The following KCNG3 variants were observed in gnomAD, a reference collection of about 807,000 sequenced individuals.
KCNG3 encodes the protein voltage-gated potassium channel regulatory subunit KCNG3.
A neutral mutation model predicts 29.0 loss-of-function variants in KCNG3; 15 were observed. That is an observed-to-expected ratio of 0.52 (90% CI 0.35 to 0.80). The LOEUF (loss-of-function observed/expected upper bound fraction) is 0.80, where lower values mean the gene tolerates loss of function less well. Ranked by LOEUF, KCNG3 falls within the 30% of genes least tolerant of loss-of-function variation. The probability of loss-of-function intolerance (pLI) is 0.01; values close to 1 mark genes in which losing one functional copy is unlikely to be tolerated. For synonymous variants in KCNG3, 322 were observed against 248.9 expected, an observed-to-expected ratio of 1.29 and a Z score of -2.76; for missense variants, 512 against 605.7, an observed-to-expected ratio of 0.85 and a Z score of 1.62.
chr2:42,418,306 T>C, the KCNG3 span, among the ~76,000 whole-genome samples: 13 of 152,338 alleles, frequency 8.5e-5, no homozygotes, highest in African/African-American at 2.6e-4. Flanking sequence ...TAATATTCCA[T>C]TGCATATATA....
At chr2:42,466,730 G>C (rs1673149800) in intron 1 of KCNG3, among the ~76,000 whole-genome samples, 1 of 150,962 alleles carries the variant, frequency 6.6e-6, no homozygotes, top group Non-Finnish European at 1.5e-5. Context: ...AGGAATTAGT[G>C]GCAAAAACTG....
chr2:42,447,516 ATTC>A (rs1672630194), intron 1 of KCNG3, among the ~76,000 whole-genome samples: 1 of 139,474 alleles, frequency 7.2e-6, no homozygotes, highest in Middle Eastern at 3.2e-3. Context: ...TGCAATGAAT[ATTC>A]TTTTTTTTTT....
At chr2:42,447,370 T>C (rs1203434767) in intron 1 of KCNG3, among the ~76,000 whole-genome samples, 2 of 152,120 alleles carry the variant, frequency 1.3e-5, no homozygotes, top group African/African-American at 4.8e-5. Context: ...CCTGCCTCAT[T>C]TGGTTAATAT....
chr2:42,401,186 A>G, the KCNG3 span, among the ~76,000 whole-genome samples: 2 of 149,694 alleles, frequency 1.3e-5, no homozygotes, highest in African/African-American at 4.9e-5. Flanking sequence ...GTTTATATGT[A>G]TACACACACA....
intron 1 of KCNG3, among the ~76,000 whole-genome samples, chr2:42,492,500 A>G (rs1460282208): frequency 6.6e-6 from 1 of 152,256 alleles, no homozygotes; most frequent in East Asian, 1.9e-4. Flanking sequence ...CCCTAACAAT[A>G]AAAGTTCAGA....
In KCNG3 at chr2:42,451,204, CAAAAAAAAAAAAAAA is replaced by C. The variant is rs67651134; in HGVS notation, c.666-6640_666-6626del. On this transcript the variant is annotated intron_variant, in intron 1 of 1. Transcript: ENST00000306078. ...TGGGTGACAGAGCAAGACTCCAACT[CAAAAAAAAAAAAAAA>C]AAAAAAAAAAGATTAAATGGTATAT... Among the ~76,000 whole-genome samples the C allele has an allele frequency of 7.0e-4, 43 of 61,014 alleles. No homozygotes were observed. In the Admixed American group the frequency reaches 0.011, roughly 15 times the overall value. The allele number at this position is 61,014 out of a possible 152,430, so 40.0% of individuals were successfully genotyped here.
At chr2:42,417,508 AC>A in the KCNG3 span, among the ~76,000 whole-genome samples, 1 of 151,900 alleles carries the variant, frequency 6.6e-6, no homozygotes, top group Non-Finnish European at 1.5e-5. Flanking sequence ...TTTTCTAGAG[AC>A]AGGGGTTTCA....
At chr2:42,463,661 T>C (rs1673072610) in intron 1 of KCNG3, 2 of 176,594 alleles carry the variant, frequency 1.1e-5, no homozygotes, top group South Asian at 2.5e-4. Context: ...GTTTTGATTT[T>C]AGCATTTTTT....
At chr2:42,403,477 GTTTT>G in the KCNG3 span, among the ~76,000 whole-genome samples, 1 of 87,760 alleles carries the variant, frequency 1.1e-5, no homozygotes, top group Admixed American at 1.3e-4. Flanking sequence ...TTTCTTTTCT[GTTTT>G]TTTTTTTTTT....
chr2:42,493,329 C>T lies in KCNG3; in HGVS notation c.173G>A (p.Arg58His). The T allele has an allele frequency of 6.2e-7, 1 of 1,604,318 alleles. No homozygotes were observed. The highest frequency in any genetic ancestry group is 8.5e-7 in the Non-Finnish European group (1 of 1,175,632). The change falls in exon 1 of 2, where the codon CGC (arginine) becomes CAC (histidine). Residue 58 changes from arginine (R) to histidine (H), a missense_variant. By Grantham distance (29) the Arg-to-His change is conservative (BLOSUM62 0). Coordinates refer to ENST00000306078, the MANE Select transcript of KCNG3 (RefSeq NM_133329.6). The part of the protein sequence containing the change: ...LEVCDDYDRE[R>H]NEYFFDRHSE... ...GTGCCGGTCGAAGAAGTACTCGTTG[C>T]GCTCGCGGTCGTAGTCGTCGCACAC... is the stretch of plus-strand genomic sequence containing the variant.
chr2:42,439,655 T>G (rs1672434222), downstream of KCNG3, among the ~76,000 whole-genome samples: 2 of 150,930 alleles, frequency 1.3e-5, no homozygotes, highest in African/African-American at 4.9e-5. Flanking sequence ...AAAAAAAATT[T>G]TTTTTTTTGA....
chr2:42,418,694 T>G, the KCNG3 span, among the ~76,000 whole-genome samples: 2 of 152,164 alleles, frequency 1.3e-5, no homozygotes, highest in African/African-American at 2.4e-5. Flanking sequence ...GTATCATAAA[T>G]TTTACCATCT....
At chr2:42,490,392 A>G (rs924167142) in intron 1 of KCNG3, among the ~76,000 whole-genome samples, 1 of 152,138 alleles carries the variant, frequency 6.6e-6, no homozygotes, top group Non-Finnish European at 1.5e-5. Context: ...TCTGACCAAC[A>G]TGGAGAAACC....
chr2:42,441,841 T>G (rs942557735), downstream of KCNG3, among the ~76,000 whole-genome samples: 5 of 22,908 alleles, frequency 2.2e-4, no homozygotes, highest in African/African-American at 5.7e-4. Flanking sequence ...TCCTCGTCTC[T>G]TCACACAGAA....
intron 1 of KCNG3, among the ~76,000 whole-genome samples, chr2:42,455,901 A>G (rs936521369): frequency 6.7e-6 from 1 of 150,228 alleles, no homozygotes; most frequent in African/African-American, 2.4e-5. Flanking sequence ...AACCACCTAA[A>G]ATAATAATTA....
At position 42,442,084 on chromosome 2, in the gene KCNG3, A is replaced by G. The variant is rs1203212900; in HGVS notation, c.*1850T>C. ...CATCTGCACATTGTTTGCATGAACC[A>G]CAAAGCTTTAATCCAAATAGTTAAG... is the stretch of plus-strand genomic sequence containing the variant. On this transcript the variant is annotated 3_prime_UTR_variant, in exon 2 of 2. Coordinates refer to ENST00000306078, the MANE Select transcript of KCNG3 (RefSeq NM_133329.6). 1 of 152,154 alleles carries G rather than the reference A, an allele frequency of 6.6e-6. No individual in the cohort carries two copies. Among genetic ancestry groups the G allele is most frequent in the Non-Finnish European group, 1.5e-5 (1 of 68,028 alleles). 9.4% of individuals were successfully genotyped at this position (152,154 alleles called of 1,614,324 possible).
intron 1 of KCNG3, among the ~76,000 whole-genome samples, chr2:42,461,528 ACT>A (rs1351814695): frequency 6.6e-6 from 1 of 151,988 alleles, no homozygotes; most frequent in Non-Finnish European, 1.5e-5. Flanking sequence ...TGTGGTTCTG[ACT>A]CTCACTGCTA....
At chr2:42,402,397 A>G in the KCNG3 span, among the ~76,000 whole-genome samples, 1 of 152,288 alleles carries the variant, frequency 6.6e-6, no homozygotes, top group East Asian at 1.9e-4. Flanking sequence ...TAATGGTTTT[A>G]GTTTTGGGCC....
chr2:42,433,804 A>T, the KCNG3 span, among the ~76,000 whole-genome samples: 1 of 152,142 alleles, frequency 6.6e-6, no homozygotes, highest in Non-Finnish European at 1.5e-5. Context: ...AAAGACAGAG[A>T]AAAGGTAATT....
Sources: gnomAD v4.1 joint callset for allele counts (sites outside exome capture counted in the v4.1 genomes callset) on GRCh38, gnomAD v4.1.1 for gene constraint, MANE v1.5 for transcripts, NCBI Gene and HGNC (gene_info 2026-07-23, HGNC 2026-07-21) for gene names.